The following CCDC73 variants were observed in gnomAD, a reference collection of about 807,000 sequenced individuals.
CCDC73 encodes the protein coiled-coil domain-containing protein 73.
In CCDC73, 95 loss-of-function variants were observed where a neutral mutation model predicts 116.5. The observed-to-expected ratio is 0.82, with a 90% CI of 0.69 to 0.97. The LOEUF (loss-of-function observed/expected upper bound fraction) is 0.97. CCDC73 is among the 50% of genes least tolerant of loss of function. The pLI, the probability that CCDC73 is intolerant of heterozygous loss-of-function variation, is 0.00. For synonymous variants in CCDC73, 398 were observed against 401.3 expected, an observed-to-expected ratio of 0.99 and a Z score of 0.10; for missense variants, 1,066 against 1,206.8, an observed-to-expected ratio of 0.88 and a Z score of 1.73.
chr11:32,814,728 A>C, the CCDC73 span, among the ~76,000 whole-genome samples: 7 of 152,246 alleles, frequency 4.6e-5, no homozygotes, highest in African/African-American at 1.4e-4. Flanking sequence ...ACTTGTAACA[A>C]ATGTTCATAA....
chr11:32,635,594 T>G, intron 14 of CCDC73, 102 bp downstream of exon 14: 2 of 1,078,894 alleles, frequency 1.9e-6, no homozygotes, highest in Non-Finnish European at 2.3e-6. Context: ...ATACTCATTT[T>G]TTTAAAGTTG....
intron 14 of CCDC73, among the ~76,000 whole-genome samples, chr11:32,619,744 C>A (rs1443919917): frequency 6.7e-6 from 1 of 148,192 alleles, no homozygotes; most frequent in Non-Finnish European, 1.5e-5. Flanking sequence ...GAAGAAGGAG[C>A]AGAAGGAGGA....
chr11:32,652,462 G>A (rs1855834769), intron 12 of CCDC73, among the ~76,000 whole-genome samples: 1 of 152,124 alleles, frequency 6.6e-6, no homozygotes, highest in Non-Finnish European at 1.5e-5. Context: ...TCTAGCCAGG[G>A]AACAAAAGGC....
intron 17 of CCDC73, chr11:32,605,779 C>G (rs1855341758): frequency 6.8e-6 from 1 of 146,406 alleles, no homozygotes; most frequent in Non-Finnish European, 1.5e-5. Flanking sequence ...CCTGAGGGTT[C>G]TGCAGCCTAC....
chr11:32,638,595 C>T (rs1398738521), intron 13 of CCDC73, among the ~76,000 whole-genome samples: 1 of 152,062 alleles, frequency 6.6e-6, no homozygotes, highest in Non-Finnish European at 1.5e-5. Context: ...TCTCCTGCCT[C>T]AGCCTCCCGA....
intron 17 of CCDC73, among the ~76,000 whole-genome samples, chr11:32,607,249 CG>C (rs1855365874): frequency 6.7e-6 from 1 of 149,776 alleles, no homozygotes; most frequent in Admixed American, 6.7e-5. Flanking sequence ...CCCGCCACTA[CG>C]CCCGGCTAAT....
At chr11:32,701,332 T>C (rs550152086) in intron 4 of CCDC73, among the ~76,000 whole-genome samples, 1 of 152,330 alleles carries the variant, frequency 6.6e-6, no homozygotes, top group African/African-American at 2.4e-5. Context: ...TGTATTATCA[T>C]TGACAGTATT....
At chr11:32,717,233 T>C (rs1170974206) in intron 3 of CCDC73, among the ~76,000 whole-genome samples, 1 of 152,222 alleles carries the variant, frequency 6.6e-6, no homozygotes, top group African/African-American at 2.4e-5. Context: ...AATTACACTT[T>C]CAGGTTTTAG....
intron 1 of CCDC73, among the ~76,000 whole-genome samples, chr11:32,779,401 T>C (rs1850563254): frequency 6.6e-6 from 1 of 152,204 alleles, no homozygotes; most frequent in Non-Finnish European, 1.5e-5. Context: ...ATTGGCTTAT[T>C]TGACTAAAAA....
the CCDC73 span, among the ~76,000 whole-genome samples, chr11:32,806,156 G>A: frequency 1.3e-5 from 2 of 152,178 alleles, no homozygotes; most frequent in East Asian, 1.9e-4. Context: ...ACTAATATGT[G>A]TATAATCTTT....
chr11:32,641,720 T>C (rs1216207932), intron 13 of CCDC73, among the ~76,000 whole-genome samples: 1 of 150,768 alleles, frequency 6.6e-6, no homozygotes, highest in Non-Finnish European at 1.5e-5. Flanking sequence ...TGTGTGTATA[T>C]ATATATATAT....
At chr11:32,652,194 C>T (rs915264831) in intron 12 of CCDC73, among the ~76,000 whole-genome samples, 3 of 151,966 alleles carry the variant, frequency 2.0e-5, no homozygotes, top group Non-Finnish European at 4.4e-5. Flanking sequence ...ATTCCAGCTA[C>T]TCGGGAGGCT....
chr11:32,630,072 T>C (rs1855617857), intron 14 of CCDC73, among the ~76,000 whole-genome samples: 1 of 152,192 alleles, frequency 6.6e-6, no homozygotes, highest in East Asian at 1.9e-4. Context: ...ATCTCATTTT[T>C]AATTTTCTTT....
intron 17 of CCDC73, among the ~76,000 whole-genome samples, chr11:32,607,027 G>A (rs914795598): frequency 6.7e-6 from 1 of 148,330 alleles, no homozygotes; most frequent in African/African-American, 2.5e-5. Flanking sequence ...CGCCCACCTT[G>A]GCCAAAGTGC....
At chr11:32,729,617 G>A (rs778191787) in intron 2 of CCDC73, among the ~76,000 whole-genome samples, 9 of 152,112 alleles carry the variant, frequency 5.9e-5, no homozygotes, top group East Asian at 1.9e-4. Context: ...CTTCCACGAC[G>A]GTTGAACTAA....
At chr11:32,751,985 T>C (rs1403483266) in intron 2 of CCDC73, among the ~76,000 whole-genome samples, 2 of 152,246 alleles carry the variant, frequency 1.3e-5, no homozygotes, top group African/African-American at 2.4e-5. Flanking sequence ...GAAGCATTTA[T>C]ATGGTAGCTT....
rs542093176 is a variant in CCDC73 at position 32,610,546 on chromosome 11, GAT to G, written c.3030+584_3030+585del. ...TCTTGCTTAAAGTTCTATACACTAT[GAT>G]ATAAAACTTACACATTTAACCAGAT... On this transcript the variant is annotated intron_variant, in intron 17 of 17. Transcript: ENST00000335185. 1.1e-3 allele frequency among the ~76,000 whole-genome samples: 167 copies of G among 152,254 alleles called. 1 individual carries two copies. The highest frequency in any genetic ancestry group is 1.2e-3 in the Non-Finnish European group (82 of 68,006).
chr11:32,650,652 A>C (rs571433512), intron 12 of CCDC73, among the ~76,000 whole-genome samples: 1 of 152,270 alleles, frequency 6.6e-6, no homozygotes, highest in East Asian at 1.9e-4. Context: ...TGAAGGGATT[A>C]AAAGAAGGGA....
chr11:32,646,036 T>A (rs1439729671), intron 12 of CCDC73, among the ~76,000 whole-genome samples: 1 of 152,204 alleles, frequency 6.6e-6, no homozygotes, highest in East Asian at 1.9e-4. Context: ...AATAAAACTT[T>A]AGAGAAGATA....
Sources: gnomAD v4.1 joint callset for allele counts (sites outside exome capture counted in the v4.1 genomes callset) on GRCh38, gnomAD v4.1.1 for gene constraint, MANE v1.5 for transcripts, NCBI Gene and HGNC (gene_info 2026-07-23, HGNC 2026-07-21) for gene names.